The following ABI3BP variants were observed in gnomAD, a reference collection of about 807,000 sequenced individuals.
The protein encoded by ABI3BP is target of Nesh-SH3.
In ABI3BP, 216 loss-of-function variants were observed where a neutral mutation model predicts 268.6. The observed-to-expected ratio is 0.80, with a 90% CI of 0.72 to 0.90. The LOEUF (loss-of-function observed/expected upper bound fraction) is 0.90. Ranked by LOEUF, ABI3BP falls within the 40% of genes least tolerant of loss-of-function variation. The probability of loss-of-function intolerance (pLI) is 0.00; values close to 1 mark genes in which losing one functional copy is unlikely to be tolerated. For missense variants in ABI3BP, 2,090 were observed against 2,182.4 expected, an observed-to-expected ratio of 0.96 and a Z score of 0.84; for synonymous variants, 730 against 730.0, an observed-to-expected ratio of 1.00 and a Z score of 0.00.
intron 7 of ABI3BP, 59 bp downstream of exon 7, chr3:100,876,453 C>T (rs946999178): frequency 2.1e-6 from 3 of 1,427,774 alleles, no homozygotes; most frequent in Middle Eastern, 2.0e-4. Context: ...TGTTTGATTA[C>T]CTTAGCTAAA....
chr3:100,883,149 A>G (rs531036732), intron 6 of ABI3BP, among the ~76,000 whole-genome samples: 1 of 152,300 alleles, frequency 6.6e-6, no homozygotes, highest in South Asian at 2.1e-4. Context: ...ACCTTACTAT[A>G]TACCATAGTT....
At chr3:100,939,953 A>G (rs1260696017) in intron 1 of ABI3BP, among the ~76,000 whole-genome samples, 6 of 152,082 alleles carry the variant, frequency 3.9e-5, no homozygotes, top group African/African-American at 1.4e-4. Flanking sequence ...CTTGCTGAGA[A>G]AAAGAATTCA....
chr3:100,851,956 A>AAAAG lies in ABI3BP; in HGVS notation c.1286-17_1286-16insCTTT. The AAAAG allele has an allele frequency of 6.5e-7, 1 of 1,536,090 alleles. No individual in the cohort carries two copies. Among genetic ancestry groups the AAAAG allele is most frequent in the Non-Finnish European group, 8.8e-7 (1 of 1,142,032 alleles). On this transcript the variant is annotated splice_polypyrimidine_tract_variant and intron_variant, in intron 14 of 67. Transcript: ENST00000471714. Reference sequence around the variant, plus strand: ...TCATAAGTTGCTTAAAAAAAAAAAAAAGGCAAAACAAGAGAGATGTTAATT... The same window carrying AAAAG: ...TCATAAGTTGCTTAAAAAAAAAAAAAAAAGAGGCAAAACAAGAGAGATGTTAATT...
chr3:100,830,516 G>A, intron 32 of ABI3BP, 62 bp downstream of exon 32: 1 of 1,383,652 alleles, frequency 7.2e-7, no homozygotes, highest in Non-Finnish European at 9.9e-7. Context: ...GGTTATGATG[G>A]TGATGAATGG....
intron 9 of ABI3BP, among the ~76,000 whole-genome samples, chr3:100,871,890 ACAGTGGTGCAGT>A (rs755506436): frequency 2.0e-5 from 3 of 152,192 alleles, no homozygotes; most frequent in Non-Finnish European, 2.9e-5. Context: ...AGGCTGTAGT[ACAGTGGTGCAGT>A]CAGAGCTCAC....
At chr3:100,934,107 T>A (rs1303923141) in intron 1 of ABI3BP, among the ~76,000 whole-genome samples, 2 of 151,944 alleles carry the variant, frequency 1.3e-5, no homozygotes, top group Non-Finnish European at 2.9e-5. Context: ...ACATTAGGTA[T>A]TTCTCCTAAT....
chr3:100,916,321 G>A (rs1416423627), intron 2 of ABI3BP, among the ~76,000 whole-genome samples: 1 of 152,194 alleles, frequency 6.6e-6, no homozygotes, highest in East Asian at 1.9e-4. Context: ...AATCAGCAAA[G>A]GTTTTTCTTC....
At chr3:100,770,680 C>T (rs1473367272) in intron 62 of ABI3BP, 63 bp downstream of exon 62, 10 of 1,366,388 alleles carry the variant, frequency 7.3e-6, no homozygotes, top group Middle Eastern at 2.7e-4. Context: ...CAGGGTACCC[C>T]ACTCCCAGGG....
intron 1 of ABI3BP, among the ~76,000 whole-genome samples, chr3:100,935,718 G>A (rs1248109843): frequency 6.6e-6 from 1 of 152,024 alleles, no homozygotes; most frequent in African/African-American, 2.4e-5. Flanking sequence ...GGATTCCTAG[G>A]TATTTTATTC....
chr3:100,863,049 T>A, intron 12 of ABI3BP, 140 bp from the exon 13 acceptor site: 1 of 614,130 alleles, frequency 1.6e-6, no homozygotes, highest in Non-Finnish European at 2.8e-6. Flanking sequence ...ATTTCTTACA[T>A]CTATGTTTCA....
At chr3:100,877,075 G>C (rs1328800514) in intron 6 of ABI3BP, among the ~76,000 whole-genome samples, 1 of 152,096 alleles carries the variant, frequency 6.6e-6, no homozygotes, top group Admixed American at 6.6e-5. Flanking sequence ...ATATCCCAAG[G>C]TTTGACAGAA....
At position 100,815,904 on chromosome 3, in the gene ABI3BP, A is replaced by G; in HGVS notation, c.3289+8T>C. On this transcript the variant is annotated splice_region_variant and intron_variant, in intron 44 of 67. Transcript: ENST00000471714. ...AAAGCATTTAATGCAAGTCACAAAA[A>G]TCATTACCAAATGTTGTTCCTGGAG... is the stretch of plus-strand genomic sequence containing the variant. 1.3e-6 allele frequency: 2 copies of G among 1,519,878 alleles called. No homozygotes were observed. Among genetic ancestry groups the G allele is most frequent in the African/African-American group, 1.4e-5 (1 of 72,204 alleles). 94.1% of individuals were successfully genotyped at this position (1,519,878 alleles called of 1,614,324 possible).
In ABI3BP at chr3:100,876,427, G is replaced by A. The variant is rs554108530; in HGVS notation, c.745+85C>T. 1.6e-5 allele frequency: 20 copies of A among 1,212,598 alleles called. 1 individual carries two copies. In the South Asian group the frequency reaches 1.8e-4, roughly 11 times the overall value. 75.1% of individuals were successfully genotyped at this position (1,212,598 alleles called of 1,614,324 possible). Reference sequence around the variant, plus strand: ...CAAAAAAAAAATCAATTAAAAAATCGAGAAAATATGTGCCGTGTTTGATTA... The same window carrying A: ...CAAAAAAAAAATCAATTAAAAAATCAAGAAAATATGTGCCGTGTTTGATTA... On this transcript the variant is annotated intron_variant, in intron 7 of 67. Coordinates refer to ENST00000471714, the MANE Select transcript of ABI3BP (RefSeq NM_001375547.2).
At chr3:100,932,934 T>C (rs983257512) in intron 1 of ABI3BP, among the ~76,000 whole-genome samples, 15 of 151,800 alleles carry the variant, frequency 9.9e-5, no homozygotes, top group African/African-American at 3.6e-4. Flanking sequence ...TAAACTATCA[T>C]GGACATCCAG....
At chr3:100,818,801 T>C (rs939376980) in intron 40 of ABI3BP, among the ~76,000 whole-genome samples, 17 of 152,190 alleles carry the variant, frequency 1.1e-4, no homozygotes, top group Non-Finnish European at 1.3e-4. Context: ...AAAGCCCATG[T>C]AATATTCTCC....
chr3:100,955,645 T>A (rs552094567), intron 1 of ABI3BP, among the ~76,000 whole-genome samples: 1 of 152,324 alleles, frequency 6.6e-6, no homozygotes, highest in South Asian at 2.1e-4. Context: ...AACAATACTT[T>A]ACACGTGGAA....
intron 1 of ABI3BP, among the ~76,000 whole-genome samples, chr3:100,981,640 G>A (rs180897391): frequency 1.3e-5 from 2 of 152,336 alleles, no homozygotes; most frequent in East Asian, 3.9e-4. Flanking sequence ...TGTACTTTCA[G>A]ATGTTTCACC....
intron 51 of ABI3BP, among the ~76,000 whole-genome samples, chr3:100,803,351 C>T (rs572773797): frequency 1.4e-5 from 2 of 142,352 alleles, no homozygotes; most frequent in African/African-American, 2.5e-5. Context: ...AAAAGTGGTC[C>T]GCTCTTTATA....
intron 53 of ABI3BP, 110 bp from the exon 54 acceptor site, chr3:100,795,113 AAAGTT>A: frequency 2.9e-6 from 2 of 681,996 alleles, no homozygotes; most frequent in Non-Finnish European, 4.6e-6. Context: ...AGGAAAGAAG[AAAGTT>A]AAGTGTGCAC....
Sources: gnomAD v4.1 joint callset for allele counts (sites outside exome capture counted in the v4.1 genomes callset) on GRCh38, gnomAD v4.1.1 for gene constraint, MANE v1.5 for transcripts, NCBI Gene and HGNC (gene_info 2026-07-23, HGNC 2026-07-21) for gene names.